SGCZ: variants seen among roughly 807,000 people sequenced by gnomAD.
SGCZ encodes the protein sarcoglycan zeta.
SGCZ carries 40 observed loss-of-function variants against 41.3 expected under a neutral mutation model. The observed-to-expected ratio is 0.97, with a 90% CI of 0.75 to 1.26. The LOEUF (loss-of-function observed/expected upper bound fraction) is 1.26, where lower values mean the gene tolerates loss of function less well. SGCZ is among the 50% of genes most tolerant of loss of function. The pLI is 0.00. For synonymous variants in SGCZ, 206 were observed against 137.5 expected, an observed-to-expected ratio of 1.50 and a Z score of -3.49; for missense variants, 552 against 369.8, an observed-to-expected ratio of 1.49 and a Z score of -4.04.
intron 1 of SGCZ, among the ~76,000 whole-genome samples, chr8:14,857,834 C>T (rs1223973136): frequency 6.6e-6 from 1 of 152,156 alleles, no homozygotes; most frequent in East Asian, 1.9e-4. Context: ...CCAGTGCACT[C>T]CAGCCTGGGT....
chr8:14,746,925 G>T (rs1184459996), intron 1 of SGCZ, among the ~76,000 whole-genome samples: 2 of 152,104 alleles, frequency 1.3e-5, no homozygotes, highest in East Asian at 3.9e-4. Flanking sequence ...ATTTATTTAT[G>T]GAAATTTACA....
At chr8:15,013,412 G>T (rs4831667) in intron 1 of SGCZ, among the ~76,000 whole-genome samples, 49,400 of 152,028 alleles carry the variant, frequency 0.32, 8,558 homozygotes, top group East Asian at 0.46. Flanking sequence ...ATTTAATCTT[G>T]CCCTTAGCAT....
chr8:14,461,170 A>G (rs996084668), intron 2 of SGCZ, among the ~76,000 whole-genome samples: 2 of 152,078 alleles, frequency 1.3e-5, no homozygotes, highest in Non-Finnish European at 2.9e-5. Context: ...AGCTCCCATC[A>G]AAAGCATCTC....
chr8:14,340,286 A>T (rs944766106), intron 2 of SGCZ, among the ~76,000 whole-genome samples: 6 of 152,136 alleles, frequency 3.9e-5, no homozygotes, highest in Admixed American at 1.3e-4. Flanking sequence ...ATCCAAGGAA[A>T]ATATGACCAA....
intron 1 of SGCZ, among the ~76,000 whole-genome samples, chr8:15,047,204 T>C (rs1439593848): frequency 1.3e-5 from 2 of 152,062 alleles, no homozygotes; most frequent in Non-Finnish European, 2.9e-5. Context: ...ATACTATGTA[T>C]ATGATTGTTC....
At chr8:15,110,228 C>G (rs1218700643) in intron 1 of SGCZ, among the ~76,000 whole-genome samples, 1 of 152,122 alleles carries the variant, frequency 6.6e-6, no homozygotes, top group Non-Finnish European at 1.5e-5. Context: ...GCAGGCCAGT[C>G]AGATGATCCT....
intron 1 of SGCZ, 96 bp from the exon 2 acceptor site, chr8:14,555,022 A>G: frequency 1.8e-6 from 2 of 1,125,332 alleles, no homozygotes; most frequent in Non-Finnish European, 2.5e-6. Context: ...AGAACAATGT[A>G]CGTTAAAATA....
intron 1 of SGCZ, among the ~76,000 whole-genome samples, chr8:14,708,270 A>G (rs1809395117): frequency 6.6e-6 from 1 of 152,070 alleles, no homozygotes. Flanking sequence ...CACGTTAGGT[A>G]TGCAGTTGTG....
intron 1 of SGCZ, among the ~76,000 whole-genome samples, chr8:14,585,571 T>C (rs934571526): frequency 1.3e-5 from 2 of 152,094 alleles, no homozygotes; most frequent in Non-Finnish European, 2.9e-5. Context: ...AACCTATTAA[T>C]GTATTTTAGT....
intron 1 of SGCZ, among the ~76,000 whole-genome samples, chr8:14,742,206 C>T (rs1799215722): frequency 6.6e-6 from 1 of 152,036 alleles, no homozygotes; most frequent in African/African-American, 2.4e-5. Context: ...TGCCGTCAGT[C>T]TAATGATCCA....
intron 1 of SGCZ, among the ~76,000 whole-genome samples, chr8:14,655,872 T>G (rs111481532): frequency 5.3e-5 from 8 of 152,098 alleles, no homozygotes; most frequent in African/African-American, 1.4e-4. Flanking sequence ...CTATGCAACC[T>G]TTTGTGGTTG....
chr8:14,645,561 A>T lies in SGCZ; in HGVS notation c.40-90635T>A, dbSNP rs555672744. Among the ~76,000 whole-genome samples, 340 of 148,804 alleles carry T rather than the reference A, an allele frequency of 2.3e-3. 2 individuals are homozygous for T. The highest frequency in any genetic ancestry group is 7.7e-3 in the African/African-American group (314 of 40,836). ...AATGCTGTATATTAGGAACAAATAGACAAAAATAAATTCCTGGTATCCTCG... is the reference window on the plus strand; with the variant it reads ...AATGCTGTATATTAGGAACAAATAGTCAAAAATAAATTCCTGGTATCCTCG... On this transcript the variant is annotated intron_variant, in intron 1 of 7. Transcript: ENST00000382080.
intron 1 of SGCZ, among the ~76,000 whole-genome samples, chr8:15,156,365 G>A (rs962432569): frequency 2.0e-5 from 3 of 152,124 alleles, no homozygotes; most frequent in African/African-American, 7.2e-5. Flanking sequence ...CTTAAACCTT[G>A]AGGGATTTAA....
intron 1 of SGCZ, among the ~76,000 whole-genome samples, chr8:15,213,477 G>C (rs931838616): frequency 6.6e-6 from 1 of 151,386 alleles, no homozygotes; most frequent in African/African-American, 2.4e-5. Flanking sequence ...GATTTTTCTA[G>C]TATAGGCTTT....
At chr8:14,626,872 G>C (rs776747907) in intron 1 of SGCZ, among the ~76,000 whole-genome samples, 3 of 152,118 alleles carry the variant, frequency 2.0e-5, no homozygotes, top group Non-Finnish European at 4.4e-5. Flanking sequence ...GTGGTACTTT[G>C]TGATGGTAGC....
chr8:15,050,824 A>T (rs983793721), intron 1 of SGCZ, among the ~76,000 whole-genome samples: 4 of 152,194 alleles, frequency 2.6e-5, no homozygotes, highest in African/African-American at 9.6e-5. Flanking sequence ...CAGAAGTGGT[A>T]GATAAAGAGA....
intron 2 of SGCZ, among the ~76,000 whole-genome samples, chr8:14,399,235 G>C (rs138669815): frequency 6.6e-6 from 1 of 152,060 alleles, no homozygotes; most frequent in East Asian, 1.9e-4. Flanking sequence ...TTTTTATTGA[G>C]ATTTTTGTAT....
At chr8:14,254,066 A>G (rs2117214675) in intron 3 of SGCZ, among the ~76,000 whole-genome samples, 1 of 152,302 alleles carries the variant, frequency 6.6e-6, no homozygotes, top group East Asian at 1.9e-4. Flanking sequence ...AACCTTAAAC[A>G]CAGTCTTAAA....
chr8:15,147,210 C>A (rs911334041), intron 1 of SGCZ, among the ~76,000 whole-genome samples: 1 of 152,178 alleles, frequency 6.6e-6, no homozygotes, highest in African/African-American at 2.4e-5. Flanking sequence ...CTACTCCCAA[C>A]ACATTCTATC....
Sources: allele counts gnomAD v4.1 joint callset (sites outside exome capture counted in the v4.1 genomes callset), GRCh38; gene constraint gnomAD v4.1.1; transcripts MANE v1.5; gene names NCBI Gene and HGNC (gene_info 2026-07-23, HGNC 2026-07-21).